Variants in STPG2 observed in about 807,000 individuals in gnomAD.
The protein encoded by STPG2 is sperm tail PG-rich repeat containing 2.
In STPG2, 56 loss-of-function variants were observed where a neutral mutation model predicts 54.2. The observed-to-expected ratio is 1.03, with a 90% CI of 0.83 to 1.29. The LOEUF (loss-of-function observed/expected upper bound fraction) is 1.29, where lower values mean the gene tolerates loss of function less well. Among genes scored for constraint, STPG2 ranks in the 50% most tolerant of loss-of-function variants. The pLI, the probability that STPG2 is intolerant of heterozygous loss-of-function variation, is 0.00. For synonymous variants in STPG2, 200 were observed against 181.8 expected (o/e 1.10, Z -0.81); for missense variants, 596 against 544.9 (o/e 1.09, Z -0.93).
intron 3 of STPG2, among the ~76,000 whole-genome samples, chr4:98,118,592 T>C (rs553962776): frequency 2.0e-4 from 31 of 152,266 alleles, no homozygotes; most frequent in Middle Eastern, 3.4e-3. Flanking sequence ...ACTCTGTCCA[T>C]TGAGATGACC....
chr4:97,718,833 A>T (rs1006552279), intron 9 of STPG2, among the ~76,000 whole-genome samples: 4 of 151,966 alleles, frequency 2.6e-5, no homozygotes, highest in African/African-American at 9.7e-5. Context: ...GTCCTACTAG[A>T]ATAAGAGACA....
At chr4:97,859,599 G>T (rs796330994) in intron 8 of STPG2, among the ~76,000 whole-genome samples, 122 of 151,922 alleles carry the variant, frequency 8.0e-4, no homozygotes, top group African/African-American at 2.8e-3. Flanking sequence ...CAAGTAGCTG[G>T]GACTACAGGC....
At chr4:97,880,738 G>C (rs1730339023) in intron 8 of STPG2, among the ~76,000 whole-genome samples, 1 of 151,754 alleles carries the variant, frequency 6.6e-6, no homozygotes, top group Non-Finnish European at 1.5e-5. Flanking sequence ...TTGCATTTTT[G>C]CATGCTGGTA....
chr4:98,129,619 A>G (rs751113656), intron 2 of STPG2, among the ~76,000 whole-genome samples: 6 of 152,112 alleles, frequency 3.9e-5, no homozygotes, highest in Non-Finnish European at 8.8e-5. Context: ...ATTTGGATTA[A>G]TGGAAAATAT....
chr4:98,040,158 CT>C (rs1225978018), intron 5 of STPG2, among the ~76,000 whole-genome samples: 1 of 151,514 alleles, frequency 6.6e-6, no homozygotes, highest in African/African-American at 2.4e-5. Context: ...TTTGCCCACT[CT>C]TTATTGGGGC....
intron 4 of STPG2, among the ~76,000 whole-genome samples, chr4:97,459,177 T>A (rs1729597355): frequency 6.6e-6 from 1 of 151,998 alleles, no homozygotes; most frequent in African/African-American, 2.4e-5. Context: ...TATCACTGTG[T>A]GAGAGAGAGA....
intron 7 of STPG2, among the ~76,000 whole-genome samples, chr4:97,944,544 CT>C (rs1293102520): frequency 3.3e-5 from 5 of 151,838 alleles, no homozygotes; most frequent in Non-Finnish European, 7.4e-5. Context: ...GCAATTAATC[CT>C]TGTGATACTT....
At chr4:97,629,821 A>G (rs552884162) in intron 10 of STPG2, among the ~76,000 whole-genome samples, 32 of 152,090 alleles carry the variant, frequency 2.1e-4, no homozygotes, top group African/African-American at 7.0e-4. Flanking sequence ...CAAAATTGAC[A>G]AGGTGGGAAT....
At chr4:97,928,549 T>G (rs1732420807) in intron 8 of STPG2, among the ~76,000 whole-genome samples, 1 of 152,274 alleles carries the variant, frequency 6.6e-6, no homozygotes, top group African/African-American at 2.4e-5. Context: ...AGTAAAAATG[T>G]CCTCCTTTGA....
intron 4 of STPG2, among the ~76,000 whole-genome samples, chr4:97,486,150 C>T (rs1267432915): frequency 6.6e-6 from 1 of 151,470 alleles, no homozygotes; most frequent in Non-Finnish European, 1.5e-5. Context: ...AAAGCAAATG[C>T]AATAGAAAAA....
chr4:97,736,323 G>A (rs891922018), intron 9 of STPG2, among the ~76,000 whole-genome samples: 3 of 152,202 alleles, frequency 2.0e-5, no homozygotes. Flanking sequence ...TGAGGTACCA[G>A]GTTCATCTCA....
intron 9 of STPG2, among the ~76,000 whole-genome samples, chr4:97,735,223 G>T (rs183807191): frequency 6.6e-6 from 1 of 151,570 alleles, no homozygotes; most frequent in Non-Finnish European, 1.5e-5. Context: ...TATATATATA[G>T]ATATATAGAT....
At chr4:97,949,628 T>C (rs1376553751) in intron 7 of STPG2, among the ~76,000 whole-genome samples, 1 of 152,084 alleles carries the variant, frequency 6.6e-6, no homozygotes, top group Non-Finnish European at 1.5e-5. Context: ...TCAGCACTTA[T>C]TTGTCTGAAA....
intron 9 of STPG2, among the ~76,000 whole-genome samples, chr4:97,818,027 G>C (rs2149102218): frequency 6.6e-6 from 1 of 151,822 alleles, no homozygotes; most frequent in South Asian, 2.1e-4. Flanking sequence ...CCTTCCTGTA[G>C]AAATCTGAGA....
intron 9 of STPG2, among the ~76,000 whole-genome samples, chr4:97,832,486 A>T (rs534596568): frequency 1.3e-5 from 2 of 152,320 alleles, no homozygotes; most frequent in East Asian, 3.9e-4. Context: ...TACCACTCCT[A>T]TTCAACATAG....
At chr4:97,812,459 GT>G (rs1727771054) in intron 9 of STPG2, among the ~76,000 whole-genome samples, 1 of 152,034 alleles carries the variant, frequency 6.6e-6, no homozygotes, top group African/African-American at 2.4e-5. Flanking sequence ...ATATCATAAA[GT>G]AATTTTAATT....
intron 10 of STPG2, among the ~76,000 whole-genome samples, chr4:97,606,396 A>G (rs1173315808): frequency 6.6e-6 from 1 of 151,916 alleles, no homozygotes; most frequent in Non-Finnish European, 1.5e-5. Flanking sequence ...TGCAAATCCT[A>G]TAAGTGGTAC....
chr4:97,687,704 T>G (rs1236398913), intron 10 of STPG2, among the ~76,000 whole-genome samples: 1 of 152,124 alleles, frequency 6.6e-6, no homozygotes, highest in Non-Finnish European at 1.5e-5. Flanking sequence ...ATGAGAGAGA[T>G]TTGAGGATGA....
intron 8 of STPG2, among the ~76,000 whole-genome samples, chr4:97,864,761 A>G (rs1410571733): frequency 6.6e-6 from 1 of 152,140 alleles, no homozygotes; most frequent in Non-Finnish European, 1.5e-5. Context: ...CCAATGGAAC[A>G]GAACAGAGCC....
Sources: allele counts gnomAD v4.1 joint callset (sites outside exome capture counted in the v4.1 genomes callset), GRCh38; gene constraint gnomAD v4.1.1; transcripts MANE v1.5; gene names NCBI Gene and HGNC (gene_info 2026-07-23, HGNC 2026-07-21).